MEIS2: variants seen among roughly 807,000 people sequenced by gnomAD.
The protein encoded by MEIS2 is Meis homeobox 2, also known as homeobox protein Meis2.
In MEIS2, 9 loss-of-function variants were observed where a neutral mutation model predicts 58.6. That is an observed-to-expected ratio of 0.15 (90% confidence interval 0.09 to 0.27). The LOEUF (loss-of-function observed/expected upper bound fraction) is 0.27, where lower values mean the gene tolerates loss of function less well. Ranked by LOEUF, MEIS2 falls within the 10% of genes least tolerant of loss-of-function variation. MEIS2 has a pLI of 1.00. For synonymous variants in MEIS2, 221 were observed against 228.4 expected (o/e 0.97, Z 0.29); for missense variants, 427 against 635.0 (o/e 0.67, Z 3.52).
rs568832323 is a variant in MEIS2, at chr15:37,082,410, G to A, written c.754+1361C>T. ...ACCCTTTGTGTCGCCGCAATTTGGG[G>A]TGGTGGGAAGGATGGAGTCATAGAA... On this transcript the variant is annotated intron_variant, in intron 7 of 11. Coordinates refer to ENST00000561208, the MANE Select transcript of MEIS2 (RefSeq NM_170675.5). 2.6e-5 allele frequency among the ~76,000 whole-genome samples: 4 copies of A among 152,154 alleles called. No homozygotes were observed. The East Asian group carries it at 7.7e-4, about 29-fold the overall frequency.
At chr15:37,038,956 G>C (rs756310895) in intron 7 of MEIS2, among the ~76,000 whole-genome samples, 4 of 152,160 alleles carry the variant, frequency 2.6e-5, no homozygotes. Flanking sequence ...GGCAACCCTA[G>C]CATTTTAACC....
chr15:37,067,245 ATGTCTGGC>A (rs1890075520), intron 7 of MEIS2, among the ~76,000 whole-genome samples: 1 of 151,908 alleles, frequency 6.6e-6, no homozygotes, highest in South Asian at 2.1e-4. Flanking sequence ...GTGCACCATC[ATGTCTGGC>A]TAATTTTTGT....
chr15:37,025,518 A>G (rs1347770387), intron 8 of MEIS2, among the ~76,000 whole-genome samples: 1 of 152,170 alleles, frequency 6.6e-6, no homozygotes, highest in Admixed American at 6.5e-5. Flanking sequence ...CTCACTATCT[A>G]AAGGTAGGAA....
At chr15:37,061,723 G>A (rs1239912601) in intron 7 of MEIS2, among the ~76,000 whole-genome samples, 1 of 151,996 alleles carries the variant, frequency 6.6e-6, no homozygotes, top group Admixed American at 6.5e-5. Flanking sequence ...AGGAATTCTG[G>A]ACTTTTGGGG....
At chr15:37,098,372 G>A in intron 1 of MEIS2, 173 bp from the exon 2 acceptor site, 1 of 1,047,160 alleles carries the variant, frequency 9.5e-7, no homozygotes, top group Admixed American at 4.9e-5. Flanking sequence ...GGAAAAGGAG[G>A]AGAGGGGGAG....
intron 9 of MEIS2, among the ~76,000 whole-genome samples, chr15:36,918,682 G>A (rs543604008): frequency 4.6e-5 from 7 of 152,228 alleles, no homozygotes; most frequent in Non-Finnish European, 8.8e-5. Flanking sequence ...GGATGAGAGC[G>A]GGAGGAGGAG....
At chr15:37,040,420 A>T (rs2062375325) in intron 7 of MEIS2, among the ~76,000 whole-genome samples, 1 of 152,126 alleles carries the variant, frequency 6.6e-6, no homozygotes, top group African/African-American at 2.4e-5. Context: ...GGGCAACTGC[A>T]CACACTATAT....
intron 8 of MEIS2, among the ~76,000 whole-genome samples, chr15:36,964,431 C>T (rs1040988482): frequency 3.3e-5 from 5 of 152,068 alleles, no homozygotes; most frequent in South Asian, 4.1e-4. Context: ...TAGTCTTTAC[C>T]GGTAATTCTC....
In MEIS2 at chr15:36,935,305, G is replaced by A. The variant is rs578037603; in HGVS notation, c.977+15019C>T. Among the ~76,000 whole-genome samples the A allele has an allele frequency of 5.3e-5, 8 of 151,106 alleles. No homozygotes were observed. The South Asian group carries it at 1.0e-3, about 20-fold the overall frequency. ...AACTTCTGCATACAGCAATTTTTAA[G>A]CCAAAAGCCATCCAGTAATATATTC... On this transcript the variant is annotated intron_variant, in intron 9 of 11. Transcript: ENST00000561208.
intron 9 of MEIS2, among the ~76,000 whole-genome samples, chr15:36,942,645 G>A (rs2058415984): frequency 6.6e-6 from 1 of 152,168 alleles, no homozygotes; most frequent in South Asian, 2.1e-4. Context: ...TTGAATGAAT[G>A]AGTGAAGTGA....
Position 37,013,813 on chromosome 15 carries a change from C to T in MEIS2, c.900+23001G>A, listed in dbSNP as rs2061251135. On this transcript the variant is annotated intron_variant, in intron 8 of 11. Transcript: ENST00000561208. ...GAGGTGAAACAACTTGTCCATTTAA[C>T]CTGGTTTCTTAACTGGACTAACCTG... is the stretch of plus-strand genomic sequence containing the variant. 2.0e-5 allele frequency among the ~76,000 whole-genome samples: 3 copies of T among 152,148 alleles called. No individual in the cohort carries two copies. The South Asian group carries it at 6.2e-4, about 32-fold the overall frequency.
chr15:36,974,005 C>G (rs1454478704), intron 8 of MEIS2, among the ~76,000 whole-genome samples: 1 of 152,180 alleles, frequency 6.6e-6, no homozygotes, highest in Non-Finnish European at 1.5e-5. Flanking sequence ...TTCTAGCTAT[C>G]ATGCCTTGAG....
rs1293239542 is a variant in MEIS2 at position 37,036,676 on chromosome 15, T to G, written c.900+138A>C. On this transcript the variant is annotated intron_variant, in intron 8 of 11. Transcript: ENST00000561208. ...GTAATAGTTGATGAAAAAAAAAACTTTAACTAGTCTGTTAGTCATCAGATT... is the reference window on the plus strand; with the variant it reads ...GTAATAGTTGATGAAAAAAAAAACTGTAACTAGTCTGTTAGTCATCAGATT... 5 of 973,440 alleles carry G rather than the reference T, an allele frequency of 5.1e-6. No individual in the cohort carries two copies. The East Asian group carries it at 1.4e-4, about 27-fold the overall frequency. 60.3% of individuals were successfully genotyped at this position (973,440 alleles called of 1,614,324 possible). A position where few individuals can be genotyped will look rare whatever the true frequency, so the allele number is the denominator to read the frequency against.
At chr15:37,010,433 A>G (rs1220015401) in intron 8 of MEIS2, among the ~76,000 whole-genome samples, 13 of 152,052 alleles carry the variant, frequency 8.5e-5, no homozygotes, top group Admixed American at 8.5e-4. Flanking sequence ...CCCAGGCTGG[A>G]GTGCAGTGAC....
intron 7 of MEIS2, among the ~76,000 whole-genome samples, chr15:37,060,222 TGAGCAAA>T (rs1889024400): frequency 6.6e-6 from 1 of 152,200 alleles, no homozygotes. Flanking sequence ...ATTACAGGCA[TGAGCAAA>T]CTCTCTAAGA....
At chr15:37,087,924 G>C (rs1326149253) in intron 6 of MEIS2, among the ~76,000 whole-genome samples, 1 of 152,154 alleles carries the variant, frequency 6.6e-6, no homozygotes, top group Non-Finnish European at 1.5e-5. Context: ...GAATGGAGAA[G>C]TAAAATGTAT....
intron 6 of MEIS2, among the ~76,000 whole-genome samples, chr15:37,087,933 A>G (rs865965407): frequency 3.9e-5 from 6 of 152,186 alleles, no homozygotes; most frequent in Non-Finnish European, 2.9e-5. Flanking sequence ...AGTAAAATGT[A>G]TGAGGCTTCA....
At chr15:37,083,062 C>G (rs1892441930) in intron 7 of MEIS2, among the ~76,000 whole-genome samples, 1 of 152,144 alleles carries the variant, frequency 6.6e-6, no homozygotes, top group African/African-American at 2.4e-5. Context: ...TCATTTTAGC[C>G]ATAGATGAGT....
intron 8 of MEIS2, among the ~76,000 whole-genome samples, chr15:37,026,048 A>T (rs987513752): frequency 4.7e-5 from 7 of 149,632 alleles, no homozygotes; most frequent in Non-Finnish European, 8.9e-5. Flanking sequence ...TTACTACTTT[A>T]AAAAAAAAAT....
Sources: gnomAD v4.1 joint callset for allele counts (sites outside exome capture counted in the v4.1 genomes callset) on GRCh38, gnomAD v4.1.1 for gene constraint, MANE v1.5 for transcripts, NCBI Gene and HGNC (gene_info 2026-07-23, HGNC 2026-07-21) for gene names.